ALK: variants seen among roughly 807,000 people sequenced by gnomAD.
ALK encodes the protein ALK receptor tyrosine kinase.
Under a neutral mutation model 163.1 loss-of-function variants are expected in ALK, and 74 were observed. The ratio of observed to expected loss-of-function variants is 0.45; its 90% CI spans 0.38 to 0.55. ALK has a LOEUF of 0.55. Among genes scored for constraint, ALK ranks in the 20% least tolerant of loss-of-function variants. The probability of loss-of-function intolerance (pLI) is 0.00; values close to 1 mark genes in which losing one functional copy is unlikely to be tolerated. For missense variants in ALK, 2,063 were observed against 2,105.3 expected (o/e 0.98, Z 0.39); for synonymous variants, 960 against 843.2 (o/e 1.14, Z -2.40).
chr2:29,315,152 T>A (rs1666797628), intron 8 of ALK, among the ~76,000 whole-genome samples: 1 of 151,882 alleles, frequency 6.6e-6, no homozygotes, highest in South Asian at 2.1e-4. Flanking sequence ...TTCTTTCTTG[T>A]TTGTGGCTGG....
intron 26 of ALK, among the ~76,000 whole-genome samples, chr2:29,202,142 A>G (rs1009639258): frequency 1.3e-5 from 2 of 152,102 alleles, no homozygotes; most frequent in Non-Finnish European, 2.9e-5. Context: ...ATTCCTCAGC[A>G]AGCAAGCTAG....
At chr2:29,537,330 G>A (rs1009577165) in intron 3 of ALK, among the ~76,000 whole-genome samples, 1 of 152,228 alleles carries the variant, frequency 6.6e-6, no homozygotes, top group African/African-American at 2.4e-5. Context: ...GGGTGCTGTT[G>A]CCCTGCTCAG....
chr2:29,281,443 C>T (rs1288660190), intron 9 of ALK, among the ~76,000 whole-genome samples: 1 of 152,226 alleles, frequency 6.6e-6, no homozygotes, highest in African/African-American at 2.4e-5. Flanking sequence ...AGGGGAGTCT[C>T]CTCTCTTTCC....
At chr2:29,289,722 G>A (rs1665968257) in intron 9 of ALK, among the ~76,000 whole-genome samples, 1 of 152,150 alleles carries the variant, frequency 6.6e-6, no homozygotes. Context: ...TCTACTCTGG[G>A]GTAAGTTCCT....
At chr2:29,816,341 ATC>A (rs1371280838) in intron 1 of ALK, among the ~76,000 whole-genome samples, 1 of 152,194 alleles carries the variant, frequency 6.6e-6, no homozygotes, top group Non-Finnish European at 1.5e-5. Flanking sequence ...GATAAAAATA[ATC>A]TCTGCCTCAC....
At chr2:29,376,661 A>C (rs1317198451) in intron 5 of ALK, among the ~76,000 whole-genome samples, 1 of 152,214 alleles carries the variant, frequency 6.6e-6, no homozygotes. Flanking sequence ...TCTACATTTT[A>C]CAAGCACAGA....
rs77657577 is a variant in ALK, at chr2:29,244,254, G to T, written c.2205-4424C>A. Among the ~76,000 whole-genome samples, 9 of 152,348 alleles carry T rather than the reference G, an allele frequency of 5.9e-5. No individual in the cohort carries two copies. The East Asian group carries it at 1.7e-3, about 29-fold the overall frequency. The stretch of plus-strand genomic sequence containing the variant: ...AACTCCCCGTGGGATCCTGGGCAAG[G>T]CCCTTTTCTCCCGTTTCTCAGTTTC... On this transcript the variant is annotated intron_variant, in intron 12 of 28. Coordinates refer to ENST00000389048, the MANE Select transcript of ALK (RefSeq NM_004304.5).
chr2:29,413,955 G>A (rs999918897), intron 4 of ALK, among the ~76,000 whole-genome samples: 17 of 152,052 alleles, frequency 1.1e-4, no homozygotes, highest in Admixed American at 2.6e-4. Flanking sequence ...GTGAGCCATC[G>A]TGCCCAGGCC....
At chr2:29,403,068 C>G (rs1669489456) in intron 4 of ALK, among the ~76,000 whole-genome samples, 1 of 152,148 alleles carries the variant, frequency 6.6e-6, no homozygotes. Context: ...GTGAAGTTGG[C>G]TTTGCTCCTG....
At chr2:29,556,818 G>T (rs113720374) in intron 3 of ALK, among the ~76,000 whole-genome samples, 1 of 152,166 alleles carries the variant, frequency 6.6e-6, no homozygotes, top group Non-Finnish European at 1.5e-5. Context: ...AGGGCCATGA[G>T]GTAGCCTCCA....
intron 4 of ALK, among the ~76,000 whole-genome samples, chr2:29,493,855 G>A (rs1248013039): frequency 6.6e-6 from 1 of 152,196 alleles, no homozygotes; most frequent in African/African-American, 2.4e-5. Flanking sequence ...GCCCAGTGAG[G>A]CCCTCTTTGC....
At chr2:29,425,041 T>A (rs1670100644) in intron 4 of ALK, among the ~76,000 whole-genome samples, 1 of 152,156 alleles carries the variant, frequency 6.6e-6, no homozygotes, top group Non-Finnish European at 1.5e-5. Context: ...TACTTTTGAA[T>A]GGGGGAATGA....
rs140928266 is a variant in ALK, at chr2:29,531,921, T to A, written c.1148A>T (p.Lys383Met). 49 of 1,614,150 alleles carry A rather than the reference T, an allele frequency of 3.0e-5. No individual in the cohort carries two copies. The African/African-American group carries it at 5.5e-4, about 18-fold the overall frequency. Residue 383 changes from lysine to methionine, a missense_variant, in exon 4 of 29, where the codon AAG (lysine) becomes ATG (methionine). Around this residue, in one of 5 missense-constraint regions of ALK, gnomAD observed 987 missense variants for 939.5 expected, o/e 1.05. Coordinates refer to ENST00000389048, the MANE Select transcript of ALK (RefSeq NM_004304.5). Reference protein sequence around the residue: ...REILLMPTPGKHGWTVLQGRI... With the variant: ...REILLMPTPGMHGWTVLQGRI... ...GACATGGAGAAGTACTTACCCATGCTTCCCTGGAGTGGGCATCAGGAGGAT... is the reference window on the plus strand; with the variant it reads ...GACATGGAGAAGTACTTACCCATGCATCCCTGGAGTGGGCATCAGGAGGAT...
At chr2:29,851,442 C>T (rs1665989510) in intron 1 of ALK, among the ~76,000 whole-genome samples, 1 of 152,182 alleles carries the variant, frequency 6.6e-6, no homozygotes, top group Admixed American at 6.5e-5. Flanking sequence ...TTCTGAATCT[C>T]GCATTCCCTT....
At chr2:29,422,400 T>C (rs1244997005) in intron 4 of ALK, among the ~76,000 whole-genome samples, 1 of 151,304 alleles carries the variant, frequency 6.6e-6, no homozygotes, top group Non-Finnish European at 1.5e-5. Flanking sequence ...AGATGAAACC[T>C]CATCCCTGAT....
At chr2:29,331,928 G>A (rs1667449797) in intron 5 of ALK, among the ~76,000 whole-genome samples, 1 of 152,010 alleles carries the variant, frequency 6.6e-6, no homozygotes, top group South Asian at 2.1e-4. Context: ...TACCACAGGA[G>A]ACCATTAAAT....
intron 4 of ALK, among the ~76,000 whole-genome samples, chr2:29,427,611 T>TA (rs1284601094): frequency 2.7e-5 from 4 of 150,634 alleles, no homozygotes; most frequent in Admixed American, 2.6e-4. Flanking sequence ...ATTCACTTAA[T>TA]AAAAAAAGAA....
At chr2:29,604,328 G>A (rs567481159) in intron 3 of ALK, among the ~76,000 whole-genome samples, 171 of 152,240 alleles carry the variant, frequency 1.1e-3, no homozygotes, top group African/African-American at 3.9e-3. Context: ...TGGCCCTTTC[G>A]TGTTACAATG....
chr2:29,407,242 A>G (rs1451645299), intron 4 of ALK, among the ~76,000 whole-genome samples: 2 of 152,244 alleles, frequency 1.3e-5, no homozygotes, highest in Admixed American at 6.5e-5. Context: ...AAACCTATGA[A>G]TCAAATTTGT....
Sources: gnomAD v4.1 joint callset for allele counts (sites outside exome capture counted in the v4.1 genomes callset) on GRCh38, gnomAD v4.1.1 for gene constraint, gnomAD v4.1.1 regional missense constraint, MANE v1.5 for transcripts, NCBI Gene and HGNC (gene_info 2026-07-23, HGNC 2026-07-21) for gene names.